The following TRPC6 variants were observed in gnomAD, a reference collection of about 807,000 sequenced individuals.
TRPC6 encodes the protein short transient receptor potential channel 6.
A neutral mutation model predicts 90.7 loss-of-function variants in TRPC6; 55 were observed. The observed-to-expected ratio is 0.61, with a 90% CI of 0.49 to 0.76. The LOEUF is 0.76. Ranked by LOEUF, TRPC6 falls within the 30% of genes least tolerant of loss-of-function variation. TRPC6 has a pLI of 0.00. For synonymous variants in TRPC6, 393 were observed against 393.0 expected (o/e 1.00, Z 0.00); for missense variants, 989 against 1,122.7 (o/e 0.88, Z 1.70).
At chr11:101,499,123 G>C (rs867626286) in intron 2 of TRPC6, among the ~76,000 whole-genome samples, 20 of 152,150 alleles carry the variant, frequency 1.3e-4, no homozygotes, top group African/African-American at 4.3e-4. Flanking sequence ...TCCAGAAAAA[G>C]TTAAGCAAAG....
At chr11:101,580,529 T>C (rs573993892) in intron 1 of TRPC6, among the ~76,000 whole-genome samples, 1 of 152,226 alleles carries the variant, frequency 6.6e-6, no homozygotes, top group South Asian at 2.1e-4. Context: ...AATAAGATAA[T>C]TTACCATAAT....
At chr11:101,484,578 T>A (rs1458427039) in intron 4 of TRPC6, among the ~76,000 whole-genome samples, 1 of 146,576 alleles carries the variant, frequency 6.8e-6, no homozygotes, top group Non-Finnish European at 1.5e-5. Context: ...GTATTGTATC[T>A]CTCTCTCTCT....
chr11:101,481,251 AG>A, intron 5 of TRPC6, among the ~76,000 whole-genome samples: 1 of 151,928 alleles, frequency 6.6e-6, no homozygotes, highest in Non-Finnish European at 1.5e-5. Context: ...TGTTGGGGGG[AG>A]GGAATGGAGA....
At chr11:101,484,260 A>G (rs1859619823) in intron 4 of TRPC6, among the ~76,000 whole-genome samples, 2 of 152,188 alleles carry the variant, frequency 1.3e-5, no homozygotes, top group African/African-American at 2.4e-5. Flanking sequence ...AAGGTCACAT[A>G]TCTCATAAGT....
At chr11:101,472,018 A>G in intron 8 of TRPC6, 119 bp downstream of exon 8, 8 of 1,056,362 alleles carry the variant, frequency 7.6e-6, no homozygotes, top group Non-Finnish European at 1.1e-5. Context: ...ACGAGTGTAT[A>G]AAACAGGGAA....
At chr11:101,576,471 A>G (rs750809974) in intron 1 of TRPC6, among the ~76,000 whole-genome samples, 35 of 152,308 alleles carry the variant, frequency 2.3e-4, no homozygotes, top group Middle Eastern at 3.4e-3. Flanking sequence ...CAGAGATTCT[A>G]TAAGAACTGT....
chr11:101,548,052 G>A (rs1393967313), intron 1 of TRPC6, among the ~76,000 whole-genome samples: 1 of 151,876 alleles, frequency 6.6e-6, no homozygotes, highest in Non-Finnish European at 1.5e-5. Flanking sequence ...TGAGAGTATG[G>A]AAGTCTTGCC....
At chr11:101,522,000 A>C (rs534262444) in intron 1 of TRPC6, among the ~76,000 whole-genome samples, 2 of 152,340 alleles carry the variant, frequency 1.3e-5, no homozygotes, top group South Asian at 4.1e-4. Flanking sequence ...GCCTTATCTC[A>C]GATGAGACTT....
intron 1 of TRPC6, among the ~76,000 whole-genome samples, chr11:101,506,303 C>A (rs148054293): frequency 2.6e-5 from 4 of 151,808 alleles, no homozygotes; most frequent in African/African-American, 9.7e-5. Flanking sequence ...ATAAAAAGAT[C>A]CAAGGGCCTC....
In TRPC6 at chr11:101,452,980, G is replaced by T. The variant is rs201521541; in HGVS notation, c.2771C>A (p.Pro924Gln). Residue 924 changes from proline to glutamine, a missense_variant, in exon 13 of 13, where the codon CCA becomes CAA. Physicochemically the swap from Pro to Gln is moderately conservative, Grantham distance 76. Around this residue, in one of 4 missense-constraint regions of TRPC6, gnomAD observed 191 missense variants for 196.7 expected, o/e 0.97. Transcript: ENST00000344327. ...TTATCTATTGGTTTCCTCTTGATTTGGTTCCATGGATAATTTCTCTCCAAG... is the reference window on the plus strand; with the variant it reads ...TTATCTATTGGTTTCCTCTTGATTTTGTTCCATGGATAATTTCTCTCCAAG... ...RELGEKLSME[P>Q]NQEETNR The T allele has an allele frequency of 3.7e-6, 6 of 1,613,872 alleles. No homozygotes were observed. The highest frequency in any genetic ancestry group is 1.1e-5 in the South Asian group (1 of 91,076).
chr11:101,555,374 C>T (rs563278840), intron 1 of TRPC6, among the ~76,000 whole-genome samples: 4 of 152,152 alleles, frequency 2.6e-5, no homozygotes, highest in African/African-American at 4.8e-5. Context: ...TATTTAACAA[C>T]GACCACCAAA....
chr11:101,486,272 C>A (rs895147361), intron 4 of TRPC6, among the ~76,000 whole-genome samples: 1 of 151,952 alleles, frequency 6.6e-6, no homozygotes, highest in Admixed American at 6.6e-5. Flanking sequence ...GGGAGTTATC[C>A]TTTTTGGTAA....
intron 1 of TRPC6, among the ~76,000 whole-genome samples, chr11:101,507,480 TC>T (rs1860302349): frequency 6.6e-6 from 1 of 152,088 alleles, no homozygotes; most frequent in Non-Finnish European, 1.5e-5. Context: ...GTATCCCAGA[TC>T]TTCTTTTATC....
chr11:101,535,518 TA>T (rs1285906809), intron 1 of TRPC6, among the ~76,000 whole-genome samples: 25 of 152,330 alleles, frequency 1.6e-4, no homozygotes, highest in African/African-American at 5.8e-4. Flanking sequence ...ATAGGGTCAT[TA>T]TTCTGAACCT....
intron 10 of TRPC6, among the ~76,000 whole-genome samples, chr11:101,466,075 C>T (rs567770336): frequency 1.3e-5 from 2 of 151,836 alleles, no homozygotes; most frequent in South Asian, 2.1e-4. Context: ...ACTCCAGACC[C>T]TGTTTGCCTG....
intron 1 of TRPC6, among the ~76,000 whole-genome samples, chr11:101,527,829 T>C (rs1484771872): frequency 6.6e-6 from 1 of 152,136 alleles, no homozygotes; most frequent in African/African-American, 2.4e-5. Flanking sequence ...ATCCCAGCAC[T>C]TTGGGAGGCC....
chr11:101,461,245 AT>A (rs1433937266), intron 10 of TRPC6, among the ~76,000 whole-genome samples: 1 of 152,206 alleles, frequency 6.6e-6, no homozygotes, highest in Non-Finnish European at 1.5e-5. Flanking sequence ...AAACAAAAGA[AT>A]TTACTAAAAT....
chr11:101,546,601 T>G (rs1861313163), intron 1 of TRPC6, among the ~76,000 whole-genome samples: 1 of 152,204 alleles, frequency 6.6e-6, no homozygotes, highest in East Asian at 1.9e-4. Flanking sequence ...GGCTTTTTCA[T>G]GTACAAGGTG....
chr11:101,472,934 C>T (rs1195119400), intron 7 of TRPC6, among the ~76,000 whole-genome samples: 1 of 151,142 alleles, frequency 6.6e-6, no homozygotes, highest in East Asian at 1.9e-4. Context: ...CACTGAAGAC[C>T]TAATATTTAA....
Sources: gnomAD v4.1 joint callset for allele counts (sites outside exome capture counted in the v4.1 genomes callset) on GRCh38, gnomAD v4.1.1 for gene constraint, gnomAD v4.1.1 regional missense constraint, MANE v1.5 for transcripts, NCBI Gene and HGNC (gene_info 2026-07-23, HGNC 2026-07-21) for gene names.